OR2C1: variants seen among roughly 807,000 people sequenced by gnomAD.
The protein encoded by OR2C1 is olfactory receptor family 2 subfamily C member 1, also known as olfactory receptor 2C1.
For missense variants in OR2C1, 468 were observed against 388.3 expected, an observed-to-expected ratio of 1.21 and a Z score of -1.73; for synonymous variants, 209 against 167.3, an observed-to-expected ratio of 1.25 and a Z score of -1.92.
the OR2C1 span, among the ~76,000 whole-genome samples, chr16:3,346,624 C>CTTTTT: frequency 3.6e-4 from 46 of 128,052 alleles, 2 homozygotes; most frequent in South Asian, 1.0e-3. Flanking sequence ...GTCCATGCAT[C>CTTTTT]TTTTTTTTTT....
the OR2C1 span, among the ~76,000 whole-genome samples, chr16:3,336,700 CT>C: frequency 1.1e-5 from 1 of 95,192 alleles, no homozygotes; most frequent in African/African-American, 4.0e-5. Context: ...ATTTTCTTTT[CT>C]TTCTTTCTTT....
Position 3,356,262 on chromosome 16 carries a change from G to C in OR2C1, c.322G>C (p.Gly108Arg), listed in dbSNP as rs1224287519. 6.2e-7 allele frequency: 1 copy of C among 1,613,936 alleles called. No homozygotes were observed. The highest frequency in any genetic ancestry group is 8.5e-7 in the Non-Finnish European group (1 of 1,180,030). Residue 108 changes from glycine (G) to arginine (R), a missense_variant, in exon 1 of 1, where the codon GGG (glycine) becomes CGG (arginine). Physicochemically the swap from Gly to Arg is moderately radical, Grantham distance 125. Coordinates refer to ENST00000304936, the MANE Select transcript of OR2C1 (RefSeq NM_012368.3). Reference protein sequence around the residue: ...ITQLYVFLWLGATECILLVVM... With the variant: ...ITQLYVFLWLRATECILLVVM... ...CCAGCTCTATGTCTTCCTTTGGCTG[G>C]GGGCCACCGAGTGCATCCTGCTGGT...
At chr16:3,347,261 A>AAAT in the OR2C1 span, among the ~76,000 whole-genome samples, 1 of 149,434 alleles carries the variant, frequency 6.7e-6, no homozygotes, top group Non-Finnish European at 1.5e-5. Flanking sequence ...AAAAAAAAAA[A>AAAT]AAAAAAGGAG....
At chr16:3,330,771 C>T in the OR2C1 span, among the ~76,000 whole-genome samples, 2 of 152,172 alleles carry the variant, frequency 1.3e-5, no homozygotes, top group East Asian at 1.9e-4. Context: ...GAGACAGAGT[C>T]TTATTTTGTA....
At chr16:3,322,984 T>C in the OR2C1 span, 3 of 970,052 alleles carry the variant, frequency 3.1e-6, no homozygotes, top group Non-Finnish European at 3.7e-6. Context: ...AATGCTGGAA[T>C]TTTTCCTTGG....
the OR2C1 span, among the ~76,000 whole-genome samples, chr16:3,326,939 C>T: frequency 9.2e-5 from 14 of 152,294 alleles, no homozygotes; most frequent in Non-Finnish European, 2.9e-5. Flanking sequence ...ATACCTAGAA[C>T]TGCCCAGTAC....
At chr16:3,357,526 C>T (rs1250417362), downstream of OR2C1, among the ~76,000 whole-genome samples, 6 of 152,144 alleles carry the variant, frequency 3.9e-5, no homozygotes, top group African/African-American at 1.4e-4. Context: ...TGCTACCACA[C>T]CTAACTAATT....
the OR2C1 span, among the ~76,000 whole-genome samples, chr16:3,334,125 A>T: frequency 6.9e-6 from 1 of 145,584 alleles, no homozygotes. Context: ...CGTGTGCCCC[A>T]CCATGCTTTG....
the OR2C1 span, among the ~76,000 whole-genome samples, chr16:3,326,033 C>A: frequency 6.6e-6 from 1 of 150,986 alleles, no homozygotes; most frequent in African/African-American, 2.4e-5. Flanking sequence ...TGGGTTCAAG[C>A]AATTCTCCTG....
In OR2C1 at chr16:3,356,516, A is replaced by C; in HGVS notation, c.576A>C (p.Thr192=). Residue 192 remains threonine (T), a synonymous_variant, in exon 1 of 1, where the codon ACA becomes ACC. Coordinates refer to ENST00000304936, the MANE Select transcript of OR2C1 (RefSeq NM_012368.3). Reference sequence around the variant, plus strand: ...TGATCAAACTGGCCTGTGGCGACACAAGTCTCAACCAGGCTGTGCTCAATG... The same window carrying C: ...TGATCAAACTGGCCTGTGGCGACACCAGTCTCAACCAGGCTGTGCTCAATG... ...PAMIKLACGD[T]SLNQAVLNGV... 1 of 1,613,842 alleles carries C rather than the reference A, an allele frequency of 6.2e-7. No homozygotes were observed. Among genetic ancestry groups the C allele is most frequent in the Non-Finnish European group, 8.5e-7 (1 of 1,179,970 alleles).
the OR2C1 span, among the ~76,000 whole-genome samples, chr16:3,325,116 G>C: frequency 1.3e-5 from 2 of 151,924 alleles, no homozygotes; most frequent in Non-Finnish European, 1.5e-5. Flanking sequence ...GAAGTAGCTG[G>C]GATTACAGGC....
At chr16:3,355,850 G>A (rs2030657048), upstream of OR2C1, 1 of 896,460 alleles carries the variant, frequency 1.1e-6, no homozygotes, top group East Asian at 2.4e-5. Flanking sequence ...CGTTCCTGAT[G>A]CAAATCCACC....
the OR2C1 span, among the ~76,000 whole-genome samples, chr16:3,343,487 C>G: frequency 6.6e-6 from 1 of 152,176 alleles, no homozygotes; most frequent in African/African-American, 2.4e-5. Flanking sequence ...CGCGGTGGCT[C>G]ACGCCTGTGA....
At chr16:3,354,535 G>C (rs535002223), upstream of OR2C1, among the ~76,000 whole-genome samples, 2 of 152,204 alleles carry the variant, frequency 1.3e-5, no homozygotes, top group African/African-American at 2.4e-5. Flanking sequence ...CCCAGCTTCT[G>C]TATTTGGAGC....
chr16:3,330,094 G>C, the OR2C1 span, among the ~76,000 whole-genome samples: 1 of 148,334 alleles, frequency 6.7e-6, no homozygotes, highest in Non-Finnish European at 1.5e-5. Context: ...GTTTGTTTTT[G>C]TTTTTTTGTT....
At chr16:3,336,708 CTTTCTT>C in the OR2C1 span, among the ~76,000 whole-genome samples, 1 of 93,768 alleles carries the variant, frequency 1.1e-5, no homozygotes, top group African/African-American at 4.5e-5. Flanking sequence ...TTCTTTCTTT[CTTTCTT>C]TTTTTTTTTT....
At chr16:3,331,593 G>T in the OR2C1 span, among the ~76,000 whole-genome samples, 4 of 151,172 alleles carry the variant, frequency 2.6e-5, no homozygotes, top group African/African-American at 9.7e-5. Context: ...TCCAGTTTCA[G>T]CTTTCTCCAT....
At chr16:3,353,918 C>T (rs189052619), upstream of OR2C1, among the ~76,000 whole-genome samples, 22 of 151,960 alleles carry the variant, frequency 1.4e-4, no homozygotes, top group African/African-American at 5.1e-4. Context: ...CCATTATTAA[C>T]AAGAGCTGAT....
At chr16:3,346,151 A>G in the OR2C1 span, among the ~76,000 whole-genome samples, 5 of 151,756 alleles carry the variant, frequency 3.3e-5, no homozygotes, top group South Asian at 1.0e-3. Context: ...TCTTCATAAC[A>G]TTTACCATCA....
Sources: allele counts gnomAD v4.1 joint callset (sites outside exome capture counted in the v4.1 genomes callset), GRCh38; gene constraint gnomAD v4.1.1; transcripts MANE v1.5; gene names NCBI Gene and HGNC (gene_info 2026-07-23, HGNC 2026-07-21).